SERPINB12: variants seen among roughly 807,000 people sequenced by gnomAD.
SERPINB12 encodes serpin family B member 12, also known as serpin B12.
Under a neutral mutation model 41.1 loss-of-function variants are expected in SERPINB12, and 57 were observed. The ratio of observed to expected loss-of-function variants is 1.39; its 90% CI spans 1.12 to 1.73. The LOEUF is 1.73. Ranked by LOEUF, SERPINB12 falls within the 40% of genes most tolerant of loss-of-function variation. The pLI is 0.00. For synonymous variants in SERPINB12, 180 were observed against 181.3 expected (o/e 0.99, Z 0.06); for missense variants, 536 against 501.9 (o/e 1.07, Z -0.65).
the SERPINB12 span, among the ~76,000 whole-genome samples, chr18:63,531,369 A>C: frequency 1.3e-5 from 2 of 152,210 alleles, no homozygotes; most frequent in Non-Finnish European, 2.9e-5. Flanking sequence ...GTGTTTCTCA[A>C]ATATTCAGGG....
intron 4 of SERPINB12, among the ~76,000 whole-genome samples, chr18:63,560,157 C>T (rs945426833): frequency 6.6e-6 from 1 of 152,188 alleles, no homozygotes. Flanking sequence ...GTTCACTATG[C>T]TCTTTTGAGA....
At chr18:63,557,356 A>G (rs141580394) in intron 2 of SERPINB12, among the ~76,000 whole-genome samples, 3 of 152,302 alleles carry the variant, frequency 2.0e-5, no homozygotes, top group South Asian at 2.1e-4. Flanking sequence ...CATAAGGGAT[A>G]CTTTTGTAGG....
chr18:63,547,629 C>G (rs1263202373), intron 1 of SERPINB12, among the ~76,000 whole-genome samples: 1 of 151,962 alleles, frequency 6.6e-6, no homozygotes, highest in African/African-American at 2.4e-5. Context: ...CAGTTTTACT[C>G]AGAATATTTT....
chr18:63,530,242 G>C, the SERPINB12 span, among the ~76,000 whole-genome samples: 1 of 152,176 alleles, frequency 6.6e-6, no homozygotes, highest in African/African-American at 2.4e-5. Context: ...CAAGGATAGT[G>C]TTTTGAGGAT....
chr18:63,541,246 A>G (rs114954693), upstream of SERPINB12, among the ~76,000 whole-genome samples: 323 of 152,292 alleles, frequency 2.1e-3, 1 homozygote, highest in African/African-American at 7.5e-3. Context: ...CCTGGTTTAT[A>G]GGTTAGGCAT....
the SERPINB12 span, among the ~76,000 whole-genome samples, chr18:63,524,112 TA>T: frequency 6.6e-6 from 1 of 151,674 alleles, no homozygotes; most frequent in Non-Finnish European, 1.5e-5. Context: ...AATTCAGAAT[TA>T]AAAGAAAAAC....
In SERPINB12 at chr18:63,568,769, G is replaced by A. The variant is rs570802367; in HGVS notation, c.*1758G>A. Among the ~76,000 whole-genome samples the A allele has an allele frequency of 5.9e-5, 9 of 152,182 alleles. No homozygotes were observed. Among genetic ancestry groups the A allele is most frequent in the Non-Finnish European group, 1.2e-4 (8 of 68,028 alleles). Reference sequence around the variant, plus strand: ...GCAGGTGAACCACACCTGCTCCCATGCTAGCCTCCTCTTCCTTTTCTCACC... The same window carrying A: ...GCAGGTGAACCACACCTGCTCCCATACTAGCCTCCTCTTCCTTTTCTCACC... On this transcript the variant is annotated 3_prime_UTR_variant, in exon 8 of 8. Coordinates refer to ENST00000382768, the MANE Select transcript of SERPINB12 (RefSeq NM_001307928.2).
chr18:63,551,267 T>TCAAA (rs1012423640), intron 1 of SERPINB12, among the ~76,000 whole-genome samples: 3 of 151,794 alleles, frequency 2.0e-5, no homozygotes, highest in East Asian at 1.9e-4. Context: ...AGACTCCATC[T>TCAAA]CAAACAAACA....
chr18:63,552,980 T>C (rs111736936), intron 1 of SERPINB12, among the ~76,000 whole-genome samples: 19 of 152,256 alleles, frequency 1.2e-4, no homozygotes, highest in African/African-American at 4.6e-4. Context: ...GTCCAGCTGT[T>C]TTTTTTTCGT....
the SERPINB12 span, among the ~76,000 whole-genome samples, chr18:63,534,098 T>A: frequency 1.3e-5 from 2 of 152,172 alleles, no homozygotes; most frequent in African/African-American, 4.8e-5. Context: ...GCTTGTTTTA[T>A]GGCATGATTT....
Position 63,568,793 on chromosome 18 carries a change from C to T in SERPINB12, c.*1782C>T, listed in dbSNP as rs1911201837. Among the ~76,000 whole-genome samples, 1 of 152,184 alleles carries T rather than the reference C, an allele frequency of 6.6e-6. No homozygotes were observed. Among genetic ancestry groups the T allele is most frequent in the Non-Finnish European group, 1.5e-5 (1 of 68,018 alleles). ...TGCTAGCCTCCTCTTCCTTTTCTCACCTACCCCAGTGATTTCTTTGTGCTC... is the reference window on the plus strand; with the variant it reads ...TGCTAGCCTCCTCTTCCTTTTCTCATCTACCCCAGTGATTTCTTTGTGCTC... On this transcript the variant is annotated 3_prime_UTR_variant, in exon 8 of 8. Coordinates refer to ENST00000382768, the MANE Select transcript of SERPINB12 (RefSeq NM_001307928.2).
At chr18:63,535,506 C>G in the SERPINB12 span, among the ~76,000 whole-genome samples, 1 of 152,082 alleles carries the variant, frequency 6.6e-6, no homozygotes, top group Non-Finnish European at 1.5e-5. Flanking sequence ...GGCCCTTACC[C>G]GTCAAAATGT....
intron 1 of SERPINB12, among the ~76,000 whole-genome samples, chr18:63,546,859 GA>G: frequency 6.6e-6 from 1 of 152,280 alleles, no homozygotes; most frequent in East Asian, 1.9e-4. Context: ...TCCACAGAGG[GA>G]GGGGCAAAGT....
rs186710753 is a variant in SERPINB12, at chr18:63,559,750, C to T, written c.444+32C>T. ...TGCACACGAATGGTGACTAAAGCTA[C>T]CATGTAGCATACTATTTAAAAATCA... On this transcript the variant is annotated intron_variant, in intron 4 of 7. Transcript: ENST00000382768. The T allele has an allele frequency of 1.3e-3, 2,156 of 1,611,102 alleles. 9 individuals are homozygous for T. Among genetic ancestry groups the T allele is most frequent in the Non-Finnish European group, 1.4e-3 (1,620 of 1,177,876 alleles).
At position 63,566,997 on chromosome 18, in the gene SERPINB12, G is replaced by A. The variant is rs771263054; in HGVS notation, c.1264G>A (p.Val422Ile). 5.0e-6 allele frequency: 8 copies of A among 1,590,644 alleles called. No homozygotes were observed. The South Asian group carries it at 9.3e-5, about 18-fold the overall frequency. Residue 422 changes from valine to isoleucine, a missense_variant, in exon 8 of 8, where the codon GTC becomes ATC. By Grantham distance (29) the Val-to-Ile change is conservative (BLOSUM62 3). Coordinates refer to ENST00000382768, the MANE Select transcript of SERPINB12 (RefSeq NM_001307928.2). ...CCAAACCATTCTCTTTTATGGCAGG[G>A]TCTGCTCTCCTTAAAAGGGGAGCAG... ...KTQTILFYGR[V>I]CSP
upstream of SERPINB12, among the ~76,000 whole-genome samples, chr18:63,539,766 T>C (rs1394107216): frequency 6.6e-6 from 1 of 152,120 alleles, no homozygotes; most frequent in Non-Finnish European, 1.5e-5. Flanking sequence ...ACCCTCCTGA[T>C]AGAAGGGAGA....
intron 3 of SERPINB12, among the ~76,000 whole-genome samples, chr18:63,559,062 C>CTT: frequency 1.5e-5 from 1 of 68,534 alleles, no homozygotes; most frequent in Non-Finnish European, 4.0e-5. Flanking sequence ...TTCTTTCTCT[C>CTT]CTTCTTCTCT....
chr18:63,521,467 G>A, the SERPINB12 span, among the ~76,000 whole-genome samples: 1 of 152,172 alleles, frequency 6.6e-6, no homozygotes, highest in African/African-American at 2.4e-5. Context: ...GAGCAACAAG[G>A]GAGGTTTGGA....
chr18:63,541,423 C>T (rs945070490), upstream of SERPINB12, among the ~76,000 whole-genome samples: 2 of 152,150 alleles, frequency 1.3e-5, no homozygotes, highest in Non-Finnish European at 2.9e-5. Context: ...CCTAAAGTTA[C>T]ACTTAGAGAC....
Sources: gnomAD v4.1 joint callset for allele counts (sites outside exome capture counted in the v4.1 genomes callset) on GRCh38, gnomAD v4.1.1 for gene constraint, MANE v1.5 for transcripts, NCBI Gene and HGNC (gene_info 2026-07-23, HGNC 2026-07-21) for gene names.